DYRK1A: variants seen among roughly 807,000 people sequenced by gnomAD.
DYRK1A encodes the protein dual specificity tyrosine-phosphorylation-regulated kinase 1A.
Under a neutral mutation model 79.7 loss-of-function variants are expected in DYRK1A, and 9 were observed. The ratio of observed to expected loss-of-function variants is 0.11; its 90% CI spans 0.07 to 0.20. The LOEUF is 0.20. DYRK1A is among the 10% of genes least tolerant of loss of function. The pLI, the probability that DYRK1A is intolerant of heterozygous loss-of-function variation, is 1.00. For missense variants in DYRK1A, 622 were observed against 956.0 expected, an observed-to-expected ratio of 0.65 and a Z score of 4.61; for synonymous variants, 349 against 329.7, an observed-to-expected ratio of 1.06 and a Z score of -0.63.
At chr21:37,501,436 G>C (rs2053447908) in intron 9 of DYRK1A, 1 of 152,054 alleles carries the variant, frequency 6.6e-6, no homozygotes, top group African/African-American at 2.4e-5. Context: ...CCAAAGTGCT[G>C]GGGTTACAGG....
At chr21:37,395,436 C>T (rs1475228211) in intron 1 of DYRK1A, among the ~76,000 whole-genome samples, 2 of 152,070 alleles carry the variant, frequency 1.3e-5, no homozygotes, top group Non-Finnish European at 2.9e-5. Context: ...CATTGTTCTT[C>T]GGAGGGGGAT....
chr21:37,372,978 A>G (rs2049462851), intron 1 of DYRK1A, among the ~76,000 whole-genome samples: 1 of 152,178 alleles, frequency 6.6e-6, no homozygotes, highest in Non-Finnish European at 1.5e-5. Context: ...ATAATTGTAA[A>G]TTTAATTTCT....
intron 1 of DYRK1A, among the ~76,000 whole-genome samples, chr21:37,392,261 A>T (rs1054028368): frequency 3.3e-5 from 5 of 152,208 alleles, no homozygotes; most frequent in African/African-American, 1.2e-4. Flanking sequence ...CTCATCTCAG[A>T]TGTCATCTCC....
intron 2 of DYRK1A, among the ~76,000 whole-genome samples, chr21:37,444,878 G>C (rs1252385803): frequency 2.0e-5 from 3 of 152,176 alleles, no homozygotes; most frequent in African/African-American, 7.2e-5. Flanking sequence ...GGGTGAAGGG[G>C]CTGACAGTCA....
At chr21:37,495,164 G>GTGTGTA (rs1321703629) in intron 8 of DYRK1A, among the ~76,000 whole-genome samples, 313 of 73,906 alleles carry the variant, frequency 4.2e-3, no homozygotes, top group African/African-American at 0.014. Context: ...GTGTGTGTGT[G>GTGTGTA]TGTGTGTGTG....
chr21:37,468,036 A>G (rs2052091039), intron 2 of DYRK1A, among the ~76,000 whole-genome samples: 1 of 152,206 alleles, frequency 6.6e-6, no homozygotes, highest in African/African-American at 2.4e-5. Context: ...TTTCAATTTC[A>G]ACATCCCAAC....
chr21:37,506,167 G>C lies in DYRK1A; in HGVS notation c.1588G>C (p.Gly530Arg). ...SDPTHQHRHS[G>R]GHFTAAVQAM... ...TCCGACGCACCAGCATCGGCACAGT[G>C]GTGGGCACTTCACAGCTGCCGTGCA... Residue 530 changes from glycine (G) to arginine (R), a missense_variant, in exon 11 of 12, where the codon GGT becomes CGT. Gly to Arg is a moderately radical substitution (Grantham distance 125). Around this residue, in one of 5 missense-constraint regions of DYRK1A, gnomAD observed 292 missense variants for 316.7 expected, o/e 0.92. Coordinates refer to ENST00000647188, the MANE Select transcript of DYRK1A (RefSeq NM_001347721.2). 2 of 1,614,208 alleles carry C rather than the reference G, an allele frequency of 1.2e-6. No individual in the cohort carries two copies. The highest frequency in any genetic ancestry group is 1.7e-6 in the Non-Finnish European group (2 of 1,180,048).
At chr21:37,508,119 A>G (rs914874324) in intron 11 of DYRK1A, among the ~76,000 whole-genome samples, 4 of 152,148 alleles carry the variant, frequency 2.6e-5, no homozygotes, top group African/African-American at 9.7e-5. Context: ...AATTATCTGG[A>G]TTCACCACAT....
Position 37,516,981 on chromosome 21 carries a change from T to C in DYRK1A, c.*4450T>C, listed in dbSNP as rs977761026. The C allele has an allele frequency of 6.6e-6, 1 of 152,228 alleles. No homozygotes were observed. The highest frequency in any genetic ancestry group is 6.5e-5 in the Admixed American group (1 of 15,278). 9.4% of individuals were successfully genotyped at this position (152,228 alleles called of 1,614,324 possible). On this transcript the variant is annotated 3_prime_UTR_variant, in exon 12 of 12. Transcript: ENST00000647188. ...CCCATAATTTCCCATCTTTAGGGTA[T>C]GTCCCTGTTATCAGGTGTGGAATTA...
chr21:37,365,781 A>C (rs1375822298), upstream of DYRK1A: 1 of 152,512 alleles, frequency 6.6e-6, no homozygotes, highest in East Asian at 1.9e-4. Context: ...TAACAGCACA[A>C]GGGGATTCAT....
At chr21:37,423,719 A>G (rs1447251183) in intron 2 of DYRK1A, among the ~76,000 whole-genome samples, 16 of 152,152 alleles carry the variant, frequency 1.1e-4, no homozygotes, top group Non-Finnish European at 1.0e-4. Flanking sequence ...TTTTTAAACA[A>G]TAGTGATATA....
intron 1 of DYRK1A, among the ~76,000 whole-genome samples, chr21:37,408,516 CAG>C (rs1369748624): frequency 2.0e-5 from 3 of 152,148 alleles, no homozygotes; most frequent in Non-Finnish European, 4.4e-5. Context: ...GGAAATAAAC[CAG>C]AGTCATTCCC....
chr21:37,429,205 G>T (rs1282964609), intron 2 of DYRK1A, among the ~76,000 whole-genome samples: 2 of 152,142 alleles, frequency 1.3e-5, no homozygotes, highest in East Asian at 3.8e-4. Context: ...ATCCAGGTCT[G>T]CTTTGTAGAA....
chr21:37,371,304 A>T (rs1338108335), intron 1 of DYRK1A, among the ~76,000 whole-genome samples: 1 of 152,208 alleles, frequency 6.6e-6, no homozygotes, highest in Non-Finnish European at 1.5e-5. Context: ...TTATTTGTTA[A>T]TACTGGCTAC....
intron 2 of DYRK1A, among the ~76,000 whole-genome samples, chr21:37,434,699 T>C (rs2050874194): frequency 6.6e-6 from 1 of 152,324 alleles, no homozygotes; most frequent in South Asian, 2.1e-4. Context: ...TTGGGTTTTA[T>C]TTTAAAATTA....
intron 2 of DYRK1A, among the ~76,000 whole-genome samples, chr21:37,467,108 A>G (rs1161517456): frequency 3.5e-4 from 2 of 5,788 alleles, no homozygotes; most frequent in Admixed American, 2.0e-3. Flanking sequence ...TTACAAAAGA[A>G]AAAAAAAAAA....
chr21:37,472,622 G>T (rs2052262357), intron 2 of DYRK1A, 62 bp from the exon 3 acceptor site: 4 of 1,352,922 alleles, frequency 3.0e-6, no homozygotes, highest in Non-Finnish European at 4.0e-6. Flanking sequence ...CATTAGATAT[G>T]TCAAATGATA....
chr21:37,386,077 C>T (rs1191664727), intron 1 of DYRK1A, among the ~76,000 whole-genome samples: 4 of 152,106 alleles, frequency 2.6e-5, no homozygotes, highest in Non-Finnish European at 4.4e-5. Flanking sequence ...ATGAAACAAG[C>T]TTAGAGGTGA....
chr21:37,485,879 A>T (rs1407345213), intron 5 of DYRK1A, among the ~76,000 whole-genome samples: 1 of 152,058 alleles, frequency 6.6e-6, no homozygotes, highest in Non-Finnish European at 1.5e-5. Context: ...TCCCCCAATT[A>T]TGGCGTTTGT....
Sources: gnomAD v4.1 joint callset for allele counts (sites outside exome capture counted in the v4.1 genomes callset) on GRCh38, gnomAD v4.1.1 for gene constraint, gnomAD v4.1.1 regional missense constraint, MANE v1.5 for transcripts, NCBI Gene and HGNC (gene_info 2026-07-23, HGNC 2026-07-21) for gene names.